The following CREB5 variants were observed in gnomAD, a reference collection of about 807,000 sequenced individuals.
CREB5 encodes cAMP responsive element binding protein 5.
A neutral mutation model predicts 57.1 loss-of-function variants in CREB5; 19 were observed. That is an observed-to-expected ratio of 0.33 (90% confidence interval 0.23 to 0.49). The LOEUF is 0.49. Among genes scored for constraint, CREB5 ranks in the 20% least tolerant of loss-of-function variants. The pLI, the probability that CREB5 is intolerant of heterozygous loss-of-function variation, is 0.99. For synonymous variants in CREB5, 238 were observed against 238.3 expected (o/e 1.00, Z 0.01); for missense variants, 579 against 671.6 (o/e 0.86, Z 1.52).
chr7:28,736,478 G>T (rs1023162472), intron 7 of CREB5, among the ~76,000 whole-genome samples: 2 of 152,110 alleles, frequency 1.3e-5, no homozygotes, highest in African/African-American at 4.8e-5. Context: ...CCCACACAAA[G>T]CACTCTGTGC....
chr7:28,678,314 G>A (rs550693554), intron 5 of CREB5, among the ~76,000 whole-genome samples: 20 of 152,042 alleles, frequency 1.3e-4, no homozygotes, highest in Middle Eastern at 3.4e-3. Context: ...CTTGAACCCC[G>A]GAGGTGGAGG....
chr7:28,787,010 C>A (rs1172153457), intron 7 of CREB5, among the ~76,000 whole-genome samples: 1 of 152,098 alleles, frequency 6.6e-6, no homozygotes, highest in East Asian at 1.9e-4. Context: ...AGAGAAGTTC[C>A]CCAGCTGCCA....
chr7:28,409,676 G>A (rs186318329), upstream of CREB5: 17 of 284,384 alleles, frequency 6.0e-5, 1 homozygote, highest in Admixed American at 7.0e-4. This position sits in a 1 kb window ranked among gnomAD's most constrained non-coding sequence, Gnocchi z 4.4. Flanking sequence ...CCGGCCCCGA[G>A]TGCTGGTAGA....
chr7:28,691,419 C>CA (rs1562574947), intron 5 of CREB5, among the ~76,000 whole-genome samples: 13,801 of 91,594 alleles, frequency 0.15, 987 homozygotes, highest in South Asian at 0.21. Context: ...GACTCTGTCT[C>CA]CAAAAAAAAA....
At chr7:28,549,665 TG>T (rs1794548088) in intron 4 of CREB5, among the ~76,000 whole-genome samples, 1 of 152,212 alleles carries the variant, frequency 6.6e-6, no homozygotes, top group Non-Finnish European at 1.5e-5. Context: ...CAAAATGACC[TG>T]GTGAGAAATG....
intron 1 of CREB5, among the ~76,000 whole-genome samples, chr7:28,348,382 T>A (rs558359130): frequency 6.8e-5 from 5 of 73,834 alleles, no homozygotes; most frequent in Non-Finnish European, 1.6e-4. Flanking sequence ...TCTCTCTCTC[T>A]GTCTCTCTCT....
intron 5 of CREB5, among the ~76,000 whole-genome samples, chr7:28,669,604 A>C (rs575443104): frequency 8.5e-5 from 13 of 152,340 alleles, no homozygotes; most frequent in Admixed American, 3.3e-4. Flanking sequence ...GTTATTTCAA[A>C]ATAAAAAGAA....
chr7:28,592,690 A>G (rs1796564378), intron 5 of CREB5, among the ~76,000 whole-genome samples: 1 of 152,144 alleles, frequency 6.6e-6, no homozygotes, highest in African/African-American at 2.4e-5. Flanking sequence ...AAACCTGTTC[A>G]AGTGCCGTGG....
chr7:28,538,273 C>T (rs528386571), intron 4 of CREB5, among the ~76,000 whole-genome samples: 31 of 152,196 alleles, frequency 2.0e-4, no homozygotes, highest in Middle Eastern at 3.4e-3. Context: ...AGGCTGGTCT[C>T]GAACTCCTGA....
chr7:28,796,489 G>A (rs1259179682), intron 7 of CREB5, among the ~76,000 whole-genome samples: 1 of 151,928 alleles, frequency 6.6e-6, no homozygotes, highest in Non-Finnish European at 1.5e-5. Context: ...CAGTTCCATC[G>A]ACTCTGCTGT....
At chr7:28,703,470 G>T (rs927222173) in intron 5 of CREB5, among the ~76,000 whole-genome samples, 1 of 152,116 alleles carries the variant, frequency 6.6e-6, no homozygotes, top group African/African-American at 2.4e-5. Context: ...AAAAGAGAGA[G>T]AGATATATGG....
chr7:28,477,713 T>C (rs1168646785), intron 1 of CREB5, among the ~76,000 whole-genome samples: 2 of 152,152 alleles, frequency 1.3e-5, no homozygotes, highest in Non-Finnish European at 2.9e-5. Context: ...TTCCAGAGTG[T>C]TTTAGTGGAT....
intron 5 of CREB5, among the ~76,000 whole-genome samples, chr7:28,672,175 GAAAAAA>G (rs201063096): frequency 8.7e-4 from 77 of 88,176 alleles, no homozygotes; most frequent in Middle Eastern, 7.6e-3. Context: ...TTGTATTATG[GAAAAAA>G]AAAAAAAACA....
At chr7:28,426,506 A>C (rs1171873905) in intron 1 of CREB5, among the ~76,000 whole-genome samples, 1 of 152,154 alleles carries the variant, frequency 6.6e-6, no homozygotes, top group Non-Finnish European at 1.5e-5. Context: ...GTTTGTGTTG[A>C]GTGCCTCTCT....
At chr7:28,494,807 G>A in intron 2 of CREB5, 99 bp from the exon 3 acceptor site, 1 of 615,572 alleles carries the variant, frequency 1.6e-6, no homozygotes, top group Non-Finnish European at 2.6e-6. Context: ...TGTCATGTTT[G>A]CAATGCTAAA....
chr7:28,560,921 T>TGTGCGTGTGCGTGCGCGCGC (rs1795180804), intron 4 of CREB5, among the ~76,000 whole-genome samples: 1 of 40,568 alleles, frequency 2.5e-5, no homozygotes, highest in East Asian at 1.7e-3. Context: ...TGTGCGTGTG[T>TGTGCGTGTGCGTGCGCGCGC]GCGCGTGCGT....
At chr7:28,493,204 C>T (rs1182692292) in intron 2 of CREB5, among the ~76,000 whole-genome samples, 2 of 152,162 alleles carry the variant, frequency 1.3e-5, no homozygotes, top group African/African-American at 4.8e-5. Context: ...ATTGACTATC[C>T]TGAGGAATTA....
chr7:28,542,022 A>T (rs535716119), intron 4 of CREB5, among the ~76,000 whole-genome samples: 14 of 152,316 alleles, frequency 9.2e-5, no homozygotes, highest in African/African-American at 3.4e-4. Context: ...GTTATCAAAT[A>T]TGCTTGTTTG....
At chr7:28,754,786 GATCCTTT>G (rs1372168764) in intron 7 of CREB5, among the ~76,000 whole-genome samples, 1 of 152,048 alleles carries the variant, frequency 6.6e-6, no homozygotes, top group African/African-American at 2.4e-5. Flanking sequence ...AATAGAGAGG[GATCCTTT>G]ATTCTCCAGT....
Sources: gnomAD v4.1 joint callset for allele counts (sites outside exome capture counted in the v4.1 genomes callset) on GRCh38, gnomAD v4.1.1 for gene constraint, Gnocchi (gnomAD v3.1) non-coding constraint, MANE v1.5 for transcripts, NCBI Gene and HGNC (gene_info 2026-07-23, HGNC 2026-07-21) for gene names.